The following TUSC3 variants were observed in gnomAD, a reference collection of about 807,000 sequenced individuals.
TUSC3 encodes tumor suppressor candidate 3, also known as dolichyl-diphosphooligosaccharide--protein glycosyltransferase subunit TUSC3.
Under a neutral mutation model 44.8 loss-of-function variants are expected in TUSC3, and 45 were observed. That is an observed-to-expected ratio of 1.00 (90% confidence interval 0.79 to 1.29). TUSC3 has a LOEUF of 1.29. TUSC3 is among the 50% of genes most tolerant of loss of function. The pLI is 0.00. For missense variants in TUSC3, 519 were observed against 437.9 expected, an observed-to-expected ratio of 1.19 and a Z score of -1.65; for synonymous variants, 212 against 152.9, an observed-to-expected ratio of 1.39 and a Z score of -2.85.
intron 1 of TUSC3, among the ~76,000 whole-genome samples, chr8:15,459,212 A>C (rs1264052920): frequency 6.6e-6 from 1 of 152,084 alleles, no homozygotes; most frequent in African/African-American, 2.4e-5. Context: ...ACTATCAACA[A>C]ATTTTTCACT....
At chr8:15,680,016 T>C (rs1375516637) in intron 6 of TUSC3, among the ~76,000 whole-genome samples, 1 of 151,980 alleles carries the variant, frequency 6.6e-6, no homozygotes, top group Non-Finnish European at 1.5e-5. Flanking sequence ...TGTTGGGTAA[T>C]ATCCCTCCAG....
intron 1 of TUSC3, among the ~76,000 whole-genome samples, chr8:15,603,582 AT>A (rs1361853610): frequency 6.6e-6 from 1 of 151,696 alleles, no homozygotes; most frequent in African/African-American, 2.4e-5. Context: ...TTGAAATATC[AT>A]TATTACAATA....
intron 1 of TUSC3, among the ~76,000 whole-genome samples, chr8:15,423,527 T>C (rs927324058): frequency 6.6e-6 from 1 of 152,182 alleles, no homozygotes; most frequent in African/African-American, 2.4e-5. Flanking sequence ...TTCCGTCTTC[T>C]GGATTTGGCC....
chr8:15,459,582 A>G (rs1332542653), intron 1 of TUSC3, among the ~76,000 whole-genome samples: 3 of 152,124 alleles, frequency 2.0e-5, no homozygotes, highest in South Asian at 2.1e-4. Context: ...AGCAGTATAC[A>G]CTGCACCCTA....
chr8:15,620,811 C>T (rs1405666492), intron 1 of TUSC3, among the ~76,000 whole-genome samples: 1 of 152,154 alleles, frequency 6.6e-6, no homozygotes, highest in East Asian at 1.9e-4. Context: ...CTTTCAGCAT[C>T]CGTGAAACTG....
intron 6 of TUSC3, among the ~76,000 whole-genome samples, chr8:15,724,454 G>C (rs955610094): frequency 2.0e-5 from 3 of 152,118 alleles, no homozygotes; most frequent in African/African-American, 7.2e-5. Flanking sequence ...TTCAGAGATA[G>C]GTTCGTTTAA....
At chr8:15,535,291 T>G (rs1266907921), upstream of TUSC3, among the ~76,000 whole-genome samples, 1 of 152,230 alleles carries the variant, frequency 6.6e-6, no homozygotes, top group Admixed American at 6.5e-5. Context: ...GAATTTGGGT[T>G]AGTCGTAAAT....
chr8:15,842,157 A>T, the TUSC3 span, among the ~76,000 whole-genome samples: 1 of 152,124 alleles, frequency 6.6e-6, no homozygotes, highest in Non-Finnish European at 1.5e-5. Flanking sequence ...GGCATTGGGG[A>T]TACATCAATG....
intron 2 of TUSC3, among the ~76,000 whole-genome samples, chr8:15,634,881 A>G (rs1805993795): frequency 6.6e-6 from 1 of 152,160 alleles, no homozygotes; most frequent in South Asian, 2.1e-4. Context: ...AGGGCATTTC[A>G]ATGAAATTTA....
At chr8:15,509,727 C>G (rs923270426) in intron 2 of TUSC3, among the ~76,000 whole-genome samples, 4 of 152,158 alleles carry the variant, frequency 2.6e-5, no homozygotes, top group African/African-American at 9.7e-5. Context: ...CTATTCATCT[C>G]TAAATGCAGA....
In TUSC3 at chr8:15,565,084, G is replaced by A. The variant is rs146730827; in HGVS notation, c.138+24516G>A. ...CAATCGATTATCTTACAGTTCTGGAGGTGGGATGTCCAAGTCAGTCTCACT... is the reference window on the plus strand; with the variant it reads ...CAATCGATTATCTTACAGTTCTGGAAGTGGGATGTCCAAGTCAGTCTCACT... On this transcript the variant is annotated intron_variant, in intron 1 of 10. Coordinates refer to ENST00000503731, the MANE Select transcript of TUSC3 (RefSeq NM_006765.4). Among the ~76,000 whole-genome samples the A allele has an allele frequency of 1.4e-3, 210 of 152,066 alleles. 1 individual carries two copies. The highest frequency in any genetic ancestry group is 4.9e-3 in the African/African-American group (204 of 41,488).
intron 2 of TUSC3, among the ~76,000 whole-genome samples, chr8:15,490,101 TGTTTGTTA>T (rs1448091683): frequency 6.6e-6 from 1 of 152,238 alleles, no homozygotes. Flanking sequence ...TAGAATTTTT[TGTTTGTTA>T]GTTTGATTTG....
At chr8:15,843,597 T>G in the TUSC3 span, among the ~76,000 whole-genome samples, 1 of 99,620 alleles carries the variant, frequency 1.0e-5, no homozygotes, top group Non-Finnish European at 1.8e-5. Flanking sequence ...GATGTACATA[T>G]ATATATATAT....
At chr8:15,536,185 G>GGAAA (rs561626152), upstream of TUSC3, among the ~76,000 whole-genome samples, 11 of 152,242 alleles carry the variant, frequency 7.2e-5, no homozygotes, top group South Asian at 2.3e-3. Context: ...GGCATATTTG[G>GGAAA]GAAAGCAAGA....
At chr8:15,775,018 A>G in the TUSC3 span, among the ~76,000 whole-genome samples, 1 of 152,200 alleles carries the variant, frequency 6.6e-6, no homozygotes, top group East Asian at 1.9e-4. Context: ...AACTTGCACA[A>G]ATGTTCATAT....
chr8:15,470,470 T>C (rs1800475560), intron 1 of TUSC3, among the ~76,000 whole-genome samples: 1 of 152,148 alleles, frequency 6.6e-6, no homozygotes, highest in African/African-American at 2.4e-5. Context: ...GACATGTCAA[T>C]GTAGGCTCAT....
At chr8:15,608,603 T>C (rs540463156) in intron 1 of TUSC3, among the ~76,000 whole-genome samples, 2 of 152,230 alleles carry the variant, frequency 1.3e-5, no homozygotes, top group Non-Finnish European at 2.9e-5. Context: ...GGGAGGTGAT[T>C]GGATTATGGG....
chr8:15,429,125 C>T (rs187689597), intron 1 of TUSC3, among the ~76,000 whole-genome samples: 1,865 of 152,086 alleles, frequency 0.012, 37 homozygotes, highest in African/African-American at 0.043. Flanking sequence ...AGTCTTTAAT[C>T]CATGTTGAAT....
At chr8:15,845,467 C>T in the TUSC3 span, among the ~76,000 whole-genome samples, 2 of 152,076 alleles carry the variant, frequency 1.3e-5, no homozygotes, top group Non-Finnish European at 1.5e-5. Context: ...AGATTATTTC[C>T]GTTCCCCAAA....
Sources: allele counts gnomAD v4.1 joint callset (sites outside exome capture counted in the v4.1 genomes callset), GRCh38; gene constraint gnomAD v4.1.1; transcripts MANE v1.5; gene names NCBI Gene and HGNC (gene_info 2026-07-23, HGNC 2026-07-21).